Variants in OPRM1 observed in about 807,000 individuals in gnomAD.
The protein encoded by OPRM1 is mu-type opioid receptor.
In OPRM1, 27 loss-of-function variants were observed where a neutral mutation model predicts 31.8. The observed-to-expected ratio is 0.85, with a 90% CI of 0.63 to 1.17. The LOEUF (loss-of-function observed/expected upper bound fraction) is 1.17. Among genes scored for constraint, OPRM1 ranks in the 50% most tolerant of loss-of-function variants. The pLI is 0.00. For missense variants in OPRM1, 536 were observed against 511.1 expected, an observed-to-expected ratio of 1.05 and a Z score of -0.47; for synonymous variants, 196 against 189.9, an observed-to-expected ratio of 1.03 and a Z score of -0.26.
chr6:154,025,339 T>C (rs1778635640), intron 1 of OPRM1, among the ~76,000 whole-genome samples: 1 of 152,006 alleles, frequency 6.6e-6, no homozygotes, highest in Non-Finnish European at 1.5e-5. Context: ...GTATAGTTAG[T>C]TACTCCTGCT....
At chr6:154,052,949 A>G (rs1252370138) in intron 1 of OPRM1, among the ~76,000 whole-genome samples, 1 of 152,226 alleles carries the variant, frequency 6.6e-6, no homozygotes, top group Non-Finnish European at 1.5e-5. Flanking sequence ...GATTGCTATG[A>G]CAGAGCATAT....
chr6:154,178,540 G>T (rs990876947), intron 3 of OPRM1, among the ~76,000 whole-genome samples: 1 of 151,918 alleles, frequency 6.6e-6, no homozygotes, highest in East Asian at 1.9e-4. Context: ...TAAACTTTGG[G>T]TTGGGCAACT....
intron 3 of OPRM1, among the ~76,000 whole-genome samples, chr6:154,172,049 A>C (rs1359027515): frequency 6.6e-6 from 1 of 152,256 alleles, no homozygotes; most frequent in African/African-American, 2.4e-5. Flanking sequence ...AAGTAGCTAC[A>C]TTGTGCTACT....
At chr6:154,154,340 C>G (rs977707769) in intron 3 of OPRM1, among the ~76,000 whole-genome samples, 27 of 152,100 alleles carry the variant, frequency 1.8e-4, no homozygotes, top group Admixed American at 1.3e-3. Context: ...ATTCTTTAAA[C>G]AAAATGTGGG....
chr6:154,021,358 C>G (rs529321239), intron 1 of OPRM1, among the ~76,000 whole-genome samples: 3 of 152,260 alleles, frequency 2.0e-5, no homozygotes, highest in African/African-American at 7.2e-5. Flanking sequence ...GTCTTTATTA[C>G]TGTAGCTTTA....
intron 3 of OPRM1, among the ~76,000 whole-genome samples, chr6:154,103,847 C>T (rs1159927466): frequency 2.0e-5 from 3 of 152,036 alleles, no homozygotes; most frequent in Non-Finnish European, 2.9e-5. Flanking sequence ...GGGTTTTGGC[C>T]GGCTCCTTTA....
At chr6:154,115,231 T>G (rs1796738876) in intron 3 of OPRM1, among the ~76,000 whole-genome samples, 1 of 152,074 alleles carries the variant, frequency 6.6e-6, no homozygotes, top group Non-Finnish European at 1.5e-5. Flanking sequence ...ACTTAGTCAT[T>G]TGAGCATGGA....
intron 3 of OPRM1, among the ~76,000 whole-genome samples, chr6:154,177,621 T>C (rs1423551439): frequency 1.3e-5 from 2 of 152,166 alleles, no homozygotes; most frequent in Admixed American, 6.5e-5. Flanking sequence ...ATGGTGATCA[T>C]TAAAAAGTCA....
At chr6:154,152,347 G>GAAAGAAAGAAA in intron 3 of OPRM1, among the ~76,000 whole-genome samples, 1,928 of 64,164 alleles carry the variant, frequency 0.03, 77 homozygotes, top group South Asian at 0.1. Flanking sequence ...AAGAAAGAAA[G>GAAAGAAAGAAA]GAAAGAAAGA....
At chr6:154,219,481 A>G (rs1169798946) in intron 3 of OPRM1, among the ~76,000 whole-genome samples, 1 of 152,076 alleles carries the variant, frequency 6.6e-6, no homozygotes, top group Non-Finnish European at 1.5e-5. Flanking sequence ...ACCATTCAAG[A>G]CCAGAAAAGA....
intron 3 of OPRM1, among the ~76,000 whole-genome samples, chr6:154,111,956 G>A (rs985310511): frequency 3.3e-5 from 5 of 152,130 alleles, no homozygotes. Context: ...TAGTAGAAAC[G>A]GGGTTTCACT....
chr6:154,065,150 A>ATT (rs564465420), intron 1 of OPRM1, among the ~76,000 whole-genome samples: 17,515 of 133,552 alleles, frequency 0.13, 1,330 homozygotes, highest in Non-Finnish European at 0.17. Context: ...GTCTTCTTTA[A>ATT]TTTTTTTTTT....
intron 3 of OPRM1, among the ~76,000 whole-genome samples, chr6:154,197,538 T>C (rs1490750871): frequency 1.3e-5 from 2 of 152,248 alleles, no homozygotes; most frequent in African/African-American, 2.4e-5. Flanking sequence ...CATTGAGCTG[T>C]TTGAAGAAGT....
intron 3 of OPRM1, among the ~76,000 whole-genome samples, chr6:154,220,578 G>T (rs1404036285): frequency 1.3e-5 from 2 of 152,126 alleles, no homozygotes; most frequent in Admixed American, 6.5e-5. Flanking sequence ...GGATGCAGAG[G>T]TTGCAGTGAG....
chr6:154,220,093 A>G (rs1428465206), intron 3 of OPRM1, among the ~76,000 whole-genome samples: 1 of 151,812 alleles, frequency 6.6e-6, no homozygotes, highest in Non-Finnish European at 1.5e-5. Flanking sequence ...CAAGAGAGCA[A>G]TGAGAACTAC....
rs534473596 is a variant in OPRM1, at chr6:154,129,273, A to C, written c.*10552A>C. On this transcript the variant is annotated 3_prime_UTR_variant, in exon 4 of 4. Coordinates refer to ENST00000330432, the MANE Select transcript of OPRM1 (RefSeq NM_000914.5). ...AGAACAGGACAGGGAGTTCTTCTAT[A>C]CAATAGAGAACAGAACAATGTTCTT... 4.6e-5 allele frequency among the ~76,000 whole-genome samples: 7 copies of C among 152,356 alleles called. No individual in the cohort carries two copies. In the South Asian group the frequency reaches 1.5e-3, roughly 32 times the overall value.
At chr6:154,171,966 A>G (rs1467602997) in intron 3 of OPRM1, among the ~76,000 whole-genome samples, 2 of 152,264 alleles carry the variant, frequency 1.3e-5, no homozygotes, top group African/African-American at 4.8e-5. Context: ...TTTAACAAAC[A>G]TCAACAAGCA....
intron 2 of OPRM1, 97 bp from the exon 3 acceptor site, chr6:154,090,855 T>G (rs141572451): frequency 1.8e-6 from 2 of 1,102,384 alleles, no homozygotes; most frequent in East Asian, 2.4e-5. Context: ...TTAGCTCTGG[T>G]CAAGGCTAAA....
chr6:154,165,226 C>A (rs7755635), intron 3 of OPRM1, among the ~76,000 whole-genome samples: 94,118 of 151,880 alleles, frequency 0.62, 29,885 homozygotes, highest in African/African-American at 0.74. Context: ...ACTTCCATAC[C>A]ACTACTACCA....
Sources: allele counts gnomAD v4.1 joint callset (sites outside exome capture counted in the v4.1 genomes callset), GRCh38; gene constraint gnomAD v4.1.1; transcripts MANE v1.5; gene names NCBI Gene and HGNC (gene_info 2026-07-23, HGNC 2026-07-21).